ADGRB3: variants seen among roughly 807,000 people sequenced by gnomAD.
The protein encoded by ADGRB3 is brain-specific angiogenesis inhibitor 3.
A neutral mutation model predicts 193.4 loss-of-function variants in ADGRB3; 37 were observed. The observed-to-expected ratio is 0.19, with a 90% CI of 0.15 to 0.25. The LOEUF (loss-of-function observed/expected upper bound fraction) is 0.25. ADGRB3 is among the 10% of genes least tolerant of loss of function. ADGRB3 has a pLI of 1.00. For missense variants in ADGRB3, 1,637 were observed against 1,852.9 expected (o/e 0.88, Z 2.14); for synonymous variants, 690 against 644.2 (o/e 1.07, Z -1.08).
chr6:68,703,093 A>G (rs1049076380), intron 3 of ADGRB3, among the ~76,000 whole-genome samples: 1 of 152,212 alleles, frequency 6.6e-6, no homozygotes, highest in Non-Finnish European at 1.5e-5. Context: ...GGTATTAACC[A>G]ACAAGTATGG....
intron 3 of ADGRB3, among the ~76,000 whole-genome samples, chr6:68,758,346 C>T (rs1766335959): frequency 6.6e-6 from 1 of 152,048 alleles, no homozygotes. Flanking sequence ...ATCATCATCT[C>T]CTTCATTTTG....
At chr6:68,965,454 T>TG (rs71229268) in intron 8 of ADGRB3, among the ~76,000 whole-genome samples, 41,380 of 151,692 alleles carry the variant, frequency 0.27, 6,089 homozygotes, top group Middle Eastern at 0.47. Context: ...TGTTTTTTTT[T>TG]TGTGTGTGTG....
At chr6:69,105,707 T>A (rs1286127614) in intron 17 of ADGRB3, among the ~76,000 whole-genome samples, 1 of 152,122 alleles carries the variant, frequency 6.6e-6, no homozygotes, top group African/African-American at 2.4e-5. Flanking sequence ...TTATCTCTCT[T>A]TTATGAATGA....
chr6:68,911,433 A>G (rs1766707848), intron 3 of ADGRB3, among the ~76,000 whole-genome samples: 2 of 151,992 alleles, frequency 1.3e-5, no homozygotes, highest in Non-Finnish European at 2.9e-5. Flanking sequence ...AAAAAAAGGA[A>G]ATTTTGAGGG....
chr6:68,998,129 T>C (rs1270656774), intron 11 of ADGRB3, among the ~76,000 whole-genome samples: 1 of 152,202 alleles, frequency 6.6e-6, no homozygotes, highest in Admixed American at 6.5e-5. Flanking sequence ...GACAACTTCA[T>C]AAATCAGAAT....
chr6:68,899,182 A>G (rs1766324208), intron 3 of ADGRB3, among the ~76,000 whole-genome samples: 1 of 152,166 alleles, frequency 6.6e-6, no homozygotes, highest in Non-Finnish European at 1.5e-5. Flanking sequence ...ACTAATCTAA[A>G]ATTTCAAAAA....
chr6:69,018,011 CTT>C lies in ADGRB3; in HGVS notation c.1999-379_1999-378del, dbSNP rs548112073. On this transcript the variant is annotated intron_variant, in intron 12 of 31. Transcript: ENST00000370598. ...GGTGGCAATATTAACTCTTTTTCCT[CTT>C]GTGTTCCTCATATAGATGCCAAGCT... Among the ~76,000 whole-genome samples, 8 of 151,978 alleles carry C rather than the reference CTT, an allele frequency of 5.3e-5. No homozygotes were observed. In the South Asian group the frequency reaches 1.2e-3, roughly 24 times the overall value.
At chr6:69,318,386 G>T (rs1768364714) in intron 20 of ADGRB3, among the ~76,000 whole-genome samples, 1 of 151,202 alleles carries the variant, frequency 6.6e-6, no homozygotes, top group South Asian at 2.1e-4. Context: ...TTATGGGGAG[G>T]TCATTTTTGA....
chr6:69,040,214 C>A (rs918437643), intron 13 of ADGRB3, among the ~76,000 whole-genome samples: 1 of 151,926 alleles, frequency 6.6e-6, no homozygotes, highest in Non-Finnish European at 1.5e-5. Context: ...TTTTGTGATT[C>A]TTCTTCTTAT....
intron 19 of ADGRB3, among the ~76,000 whole-genome samples, chr6:69,235,619 A>G (rs1766245655): frequency 6.6e-6 from 1 of 152,042 alleles, no homozygotes; most frequent in South Asian, 2.1e-4. Flanking sequence ...CTAACATAAT[A>G]CCAATATATT....
intron 3 of ADGRB3, among the ~76,000 whole-genome samples, chr6:68,681,886 A>G (rs1764903522): frequency 6.6e-6 from 1 of 152,214 alleles, no homozygotes; most frequent in Admixed American, 6.5e-5. Flanking sequence ...TCTGTCTGGT[A>G]TGACAACGGG....
chr6:68,973,258 T>C (rs1768641153), intron 8 of ADGRB3, among the ~76,000 whole-genome samples: 1 of 144,480 alleles, frequency 6.9e-6, no homozygotes, highest in Admixed American at 6.9e-5. Context: ...TAGACAAGCT[T>C]CCTCTTTTTG....
intron 20 of ADGRB3, among the ~76,000 whole-genome samples, chr6:69,254,261 T>C (rs1443825263): frequency 6.6e-6 from 1 of 152,190 alleles, no homozygotes; most frequent in African/African-American, 2.4e-5. Flanking sequence ...AGCATCAAAA[T>C]ATCTGAAAAC....
chr6:69,009,191 G>GA (rs756202551), intron 11 of ADGRB3, among the ~76,000 whole-genome samples: 15 of 151,808 alleles, frequency 9.9e-5, no homozygotes, highest in Non-Finnish European at 1.9e-4. Context: ...ACTAGTAGAG[G>GA]AAAAAACCCT....
At chr6:68,860,704 A>G (rs1765127409) in intron 3 of ADGRB3, among the ~76,000 whole-genome samples, 1 of 152,224 alleles carries the variant, frequency 6.6e-6, no homozygotes, top group South Asian at 2.1e-4. Context: ...TGCTATAAAC[A>G]TAAGAGTGCA....
intron 3 of ADGRB3, among the ~76,000 whole-genome samples, chr6:68,887,969 T>G (rs1219824313): frequency 6.6e-6 from 1 of 152,180 alleles, no homozygotes; most frequent in Non-Finnish European, 1.5e-5. Flanking sequence ...GTTTTCACCC[T>G]TCTCATATTG....
At chr6:68,920,961 G>A (rs1582316302) in intron 3 of ADGRB3, among the ~76,000 whole-genome samples, 1 of 152,206 alleles carries the variant, frequency 6.6e-6, no homozygotes, top group East Asian at 1.9e-4. Flanking sequence ...TAAAGAGATT[G>A]ACAGATTTTT....
rs142146180 is a variant in ADGRB3 at position 68,903,940 on chromosome 6, G to A, written c.758-26619G>A. ...TTGAGCCCAGGAGGTTTAGGCTGCA[G>A]TAAACTGAGTGTGCCATTACACTCA... is the stretch of plus-strand genomic sequence containing the variant. On this transcript the variant is annotated intron_variant, in intron 3 of 31. Coordinates refer to ENST00000370598, the MANE Select transcript of ADGRB3 (RefSeq NM_001704.3). Among the ~76,000 whole-genome samples, 589 of 144,884 alleles carry A rather than the reference G, an allele frequency of 4.1e-3. 3 individuals are homozygous for A. The highest frequency in any genetic ancestry group is 6.9e-3 in the Non-Finnish European group (463 of 66,724).
intron 20 of ADGRB3, among the ~76,000 whole-genome samples, chr6:69,267,639 G>A (rs1179157356): frequency 6.6e-6 from 1 of 151,986 alleles, no homozygotes; most frequent in East Asian, 1.9e-4. Flanking sequence ...ATGACCATAG[G>A]GAATTAGATG....
Sources: gnomAD v4.1 joint callset for allele counts (sites outside exome capture counted in the v4.1 genomes callset) on GRCh38, gnomAD v4.1.1 for gene constraint, MANE v1.5 for transcripts, NCBI Gene and HGNC (gene_info 2026-07-23, HGNC 2026-07-21) for gene names.